The following CCDC32 variants were observed in gnomAD, a reference collection of about 807,000 sequenced individuals.
CCDC32 encodes coiled-coil domain containing 32.
CCDC32 carries 9 observed loss-of-function variants against 20.1 expected under a neutral mutation model. That is an observed-to-expected ratio of 0.45 (90% confidence interval 0.27 to 0.78). The LOEUF is 0.78. Among genes scored for constraint, CCDC32 ranks in the 30% least tolerant of loss-of-function variants. CCDC32 has a pLI of 0.16. For missense variants in CCDC32, 204 were observed against 215.5 expected (o/e 0.95, Z 0.33); for synonymous variants, 63 against 79.0 (o/e 0.80, Z 1.07).
intron 3 of CCDC32, chr15:40,529,716 C>T (rs1888819492): frequency 2.1e-5 from 3 of 143,350 alleles, no homozygotes; most frequent in Admixed American, 1.4e-4. Flanking sequence ...GGCTGGAGTG[C>T]AGTGGCGCGA....
chr15:40,556,181 G>A (rs2141639218), intron 3 of CCDC32, among the ~76,000 whole-genome samples: 1 of 152,290 alleles, frequency 6.6e-6, no homozygotes, highest in East Asian at 1.9e-4. Context: ...TGGCAGGGCA[G>A]CATGCCCTCT....
chr15:40,563,838 T>G (rs917539840), intron 1 of CCDC32, among the ~76,000 whole-genome samples: 2 of 132,080 alleles, frequency 1.5e-5, no homozygotes. Context: ...TTTTTTTTTT[T>G]GAGACAGAGT....
chr15:40,543,809 A>C (rs1227108005), intron 3 of CCDC32, among the ~76,000 whole-genome samples: 1 of 152,140 alleles, frequency 6.6e-6, no homozygotes, highest in South Asian at 2.1e-4. Flanking sequence ...GTAGGTTTGC[A>C]TAGACCTGCT....
At chr15:40,531,760 A>C (rs1449818178), downstream of CCDC32, 1 of 152,188 alleles carries the variant, frequency 6.6e-6, no homozygotes, top group African/African-American at 2.4e-5. Flanking sequence ...CACCACAGAC[A>C]CACATCACCA....
At chr15:40,524,698 G>A (rs1343136173), downstream of CCDC32, among the ~76,000 whole-genome samples, 1 of 144,064 alleles carries the variant, frequency 6.9e-6, no homozygotes, top group African/African-American at 2.7e-5. Context: ...TTACATGTGT[G>A]TATACCTTTG....
intron 2 of CCDC32, among the ~76,000 whole-genome samples, chr15:40,559,570 G>A (rs935306128): frequency 6.6e-6 from 1 of 152,090 alleles, no homozygotes; most frequent in East Asian, 1.9e-4. Flanking sequence ...TATCTTTGGT[G>A]GCTTCCTGGC....
chr15:40,550,789 A>T (rs1301203336), downstream of CCDC32, among the ~76,000 whole-genome samples: 1 of 152,226 alleles, frequency 6.6e-6, no homozygotes, highest in Non-Finnish European at 1.5e-5. Flanking sequence ...GAAACCATTC[A>T]ACTTACAAAC....
the CCDC32 span, among the ~76,000 whole-genome samples, chr15:40,522,989 G>C: frequency 6.6e-6 from 1 of 151,706 alleles, no homozygotes; most frequent in Non-Finnish European, 1.5e-5. Context: ...ACCACGCCTG[G>C]CTAATTTTTG....
chr15:40,557,535 C>G (rs1289921827), intron 2 of CCDC32, 163 bp from the exon 3 acceptor site: 8 of 622,862 alleles, frequency 1.3e-5, no homozygotes, highest in Non-Finnish European at 2.6e-6. Flanking sequence ...GGGAATTGAA[C>G]ATTCTTCCTT....
chr15:40,552,487 A>G (rs1178993450), downstream of CCDC32, among the ~76,000 whole-genome samples: 12 of 149,472 alleles, frequency 8.0e-5, no homozygotes, highest in South Asian at 2.1e-4. Context: ...ATCTCAAAAA[A>G]AAAAAAAAAA....
At chr15:40,530,071 C>A (rs1203368493), downstream of CCDC32, among the ~76,000 whole-genome samples, 1 of 150,914 alleles carries the variant, frequency 6.6e-6, no homozygotes, top group African/African-American at 2.4e-5. Flanking sequence ...GTGGGTGGAT[C>A]ACCTGAGGTC....
downstream of CCDC32, among the ~76,000 whole-genome samples, chr15:40,533,244 G>A (rs1888961758): frequency 6.6e-6 from 1 of 152,102 alleles, no homozygotes; most frequent in South Asian, 2.1e-4. Context: ...GTCAGGGTCG[G>A]GGGCAGATGT....
downstream of CCDC32, chr15:40,534,714 G>A (rs1272608936): frequency 1.7e-6 from 1 of 588,488 alleles, no homozygotes; most frequent in Non-Finnish European, 3.0e-6. Context: ...GAACTAGCTA[G>A]GTCTCTGGCC....
At chr15:40,549,651 G>A (rs781510485), downstream of CCDC32, among the ~76,000 whole-genome samples, 1 of 152,168 alleles carries the variant, frequency 6.6e-6, no homozygotes, top group Non-Finnish European at 1.5e-5. Flanking sequence ...ACCATGCCTG[G>A]AACATGGCAG....
chr15:40,548,206 AT>A (rs903176034), downstream of CCDC32, among the ~76,000 whole-genome samples: 5 of 152,234 alleles, frequency 3.3e-5, no homozygotes, highest in Admixed American at 6.5e-5. Context: ...GCTTTTTCAC[AT>A]TGTTAGGACG....
intron 2 of CCDC32, among the ~76,000 whole-genome samples, chr15:40,562,399 T>C (rs986189884): frequency 6.6e-6 from 1 of 151,544 alleles, no homozygotes; most frequent in Non-Finnish European, 1.5e-5. Context: ...CATGGTGAAA[T>C]GAAACCCCAT....
At position 40,553,361 on chromosome 15, in the gene CCDC32, C is replaced by G; in HGVS notation, c.*610G>C. ...CATAAACACCCACATTTTCACACTT[C>G]TTTTGCCCATTTGTTCCACAAGGAA... On this transcript the variant is annotated 3_prime_UTR_variant, in exon 4 of 4. Coordinates refer to ENST00000416810, the MANE Select transcript of CCDC32 (RefSeq NM_001080792.4). The G allele has an allele frequency of 5.1e-6, 5 of 985,430 alleles. No homozygotes were observed. The highest frequency in any genetic ancestry group is 6.0e-6 in the Non-Finnish European group (5 of 829,936). The allele number at this position is 985,430 out of a possible 1,614,324, so 61.0% of individuals were successfully genotyped here.
the CCDC32 span, among the ~76,000 whole-genome samples, chr15:40,522,828 CTTTTTT>C: frequency 8.5e-4 from 112 of 131,168 alleles, 1 homozygote; most frequent in Middle Eastern, 0.016. Flanking sequence ...GTTTTCCTTT[CTTTTTT>C]TTTTTTTTTT....
chr15:40,554,744 G>A (rs1014696186), intron 3 of CCDC32, among the ~76,000 whole-genome samples: 8 of 152,202 alleles, frequency 5.3e-5, no homozygotes, highest in Non-Finnish European at 1.0e-4. Context: ...GATCTGTAGG[G>A]AGAGGGGAGA....
Sources: allele counts gnomAD v4.1 joint callset (sites outside exome capture counted in the v4.1 genomes callset), GRCh38; gene constraint gnomAD v4.1.1; transcripts MANE v1.5; gene names NCBI Gene and HGNC (gene_info 2026-07-23, HGNC 2026-07-21).